The following PCDH7 variants were observed in gnomAD, a reference collection of about 807,000 sequenced individuals.
PCDH7 encodes the protein protocadherin-7.
PCDH7 carries 17 observed loss-of-function variants against 58.9 expected under a neutral mutation model. That is an observed-to-expected ratio of 0.29 (90% confidence interval 0.20 to 0.43). The LOEUF (loss-of-function observed/expected upper bound fraction) is 0.43, where lower values mean the gene tolerates loss of function less well. Ranked by LOEUF, PCDH7 falls within the 20% of genes least tolerant of loss-of-function variation. The pLI, the probability that PCDH7 is intolerant of heterozygous loss-of-function variation, is 1.00. For missense variants in PCDH7, 1,274 were observed against 1,441.0 expected, an observed-to-expected ratio of 0.88 and a Z score of 1.88; for synonymous variants, 664 against 616.4, an observed-to-expected ratio of 1.08 and a Z score of -1.14.
At chr4:31,062,991 T>C (rs1328491866) in intron 3 of PCDH7, among the ~76,000 whole-genome samples, 1 of 151,884 alleles carries the variant, frequency 6.6e-6, no homozygotes, top group African/African-American at 2.4e-5. Context: ...ATATGTGTGT[T>C]TATTACATAT....
intron 3 of PCDH7, among the ~76,000 whole-genome samples, chr4:31,056,458 G>GAAGGAAAGAAAGA (rs1553932369): frequency 0.025 from 2,105 of 83,096 alleles, 96 homozygotes; most frequent in South Asian, 0.046. Context: ...AAGAAAGAAA[G>GAAGGAAAGAAAGA]AAGAAAGAAA....
Position 30,721,334 on chromosome 4 carries a change from T to C in PCDH7, c.-89T>C, listed in dbSNP as rs998092484. On this transcript the variant is annotated 5_prime_UTR_variant, in exon 1 of 2. Transcript: ENST00000361762. The surrounding 1 kb of genome is among the most constrained non-coding windows in gnomAD (Gnocchi z 6.7). ...TCCTTTCCGGGAGAGGGGAGAGGAC[T>C]CGGGGGAGGGCAGGCGGCCGGCCCC... 24 of 1,276,622 alleles carry C rather than the reference T, an allele frequency of 1.9e-5. No homozygotes were observed. The African/African-American group carries it at 3.3e-4, about 18-fold the overall frequency. 79.1% of individuals were successfully genotyped at this position (1,276,622 alleles called of 1,614,324 possible).
chr4:30,920,436 G>C, intron 2 of PCDH7, 67 bp downstream of exon 2: 1 of 1,189,000 alleles, frequency 8.4e-7, no homozygotes, highest in Non-Finnish European at 1.1e-6. Flanking sequence ...GACTCGCGAA[G>C]GTCAGTCTAA....
intron 1 of PCDH7, among the ~76,000 whole-genome samples, chr4:30,909,354 T>G (rs1370124639): frequency 2.0e-5 from 3 of 152,066 alleles, no homozygotes; most frequent in Non-Finnish European, 2.9e-5. Flanking sequence ...GAGAAAGAAA[T>G]AAATGGTATT....
At chr4:30,959,379 A>G (rs1412701524) in intron 3 of PCDH7, among the ~76,000 whole-genome samples, 1 of 152,154 alleles carries the variant, frequency 6.6e-6, no homozygotes, top group Non-Finnish European at 1.5e-5. Flanking sequence ...GGCTCTCATA[A>G]AGTCCAAATA....
intron 3 of PCDH7, among the ~76,000 whole-genome samples, chr4:30,960,603 C>T (rs562211354): frequency 6.6e-6 from 1 of 152,282 alleles, no homozygotes; most frequent in African/African-American, 2.4e-5. Context: ...ACAGTGTAAA[C>T]ATCAGATTAA....
At chr4:30,878,076 A>G (rs1736512412) in intron 1 of PCDH7, among the ~76,000 whole-genome samples, 1 of 152,152 alleles carries the variant, frequency 6.6e-6, no homozygotes, top group Non-Finnish European at 1.5e-5. Context: ...ATGTGGATTC[A>G]GTTGTGTGAC....
At chr4:30,825,708 A>G (rs987194759) in intron 1 of PCDH7, among the ~76,000 whole-genome samples, 3 of 152,192 alleles carry the variant, frequency 2.0e-5, no homozygotes, top group Admixed American at 6.6e-5. Context: ...AGAAGTGACC[A>G]CAGTGGTTTA....
intron 3 of PCDH7, among the ~76,000 whole-genome samples, chr4:31,047,923 A>G (rs908868860): frequency 2.6e-5 from 4 of 152,036 alleles, no homozygotes; most frequent in Non-Finnish European, 1.5e-5. Flanking sequence ...TTAAATTAAC[A>G]TTTTTAAATG....
chr4:30,884,373 C>T (rs962912808), intron 1 of PCDH7: 3 of 152,076 alleles, frequency 2.0e-5, no homozygotes, highest in Admixed American at 6.6e-5. Flanking sequence ...TGCTTTTTCC[C>T]TGAGTTATCC....
chr4:31,056,445 A>G (rs113888719), intron 3 of PCDH7, among the ~76,000 whole-genome samples: 2,046 of 52,216 alleles, frequency 0.039, 83 homozygotes, highest in African/African-American at 0.21. Flanking sequence ...AAAGAAGGAA[A>G]GAAAGAAAGA....
chr4:30,826,916 C>T (rs934120237), intron 1 of PCDH7, among the ~76,000 whole-genome samples: 8 of 151,924 alleles, frequency 5.3e-5, no homozygotes, highest in African/African-American at 7.2e-5. Context: ...TTTGTAGAGA[C>T]GGGGTTTTGC....
intron 3 of PCDH7, among the ~76,000 whole-genome samples, chr4:31,123,481 T>C (rs1717924498): frequency 6.6e-6 from 1 of 152,106 alleles, no homozygotes; most frequent in East Asian, 1.9e-4. Context: ...AGCATGCAGG[T>C]AACCGGGTGC....
At chr4:30,820,606 C>T (rs1225169582) in intron 1 of PCDH7, among the ~76,000 whole-genome samples, 1 of 151,628 alleles carries the variant, frequency 6.6e-6, no homozygotes, top group African/African-American at 2.4e-5. Context: ...GTAAACAACA[C>T]TAGTTTTTTT....
intron 1 of PCDH7, among the ~76,000 whole-genome samples, chr4:30,848,120 G>T (rs1732227824): frequency 6.6e-6 from 1 of 152,114 alleles, no homozygotes; most frequent in Admixed American, 6.6e-5. Flanking sequence ...ATAAGCACAA[G>T]TTTATGCAGT....
At chr4:30,988,074 C>G (rs1368884125) in intron 3 of PCDH7, among the ~76,000 whole-genome samples, 2 of 152,130 alleles carry the variant, frequency 1.3e-5, no homozygotes, top group Non-Finnish European at 2.9e-5. Context: ...AGCACACAGA[C>G]ATGAGTTGCA....
At chr4:30,893,251 C>A (rs552560771) in intron 1 of PCDH7, among the ~76,000 whole-genome samples, 1 of 152,100 alleles carries the variant, frequency 6.6e-6, no homozygotes, top group South Asian at 2.1e-4. Context: ...AAATAAGATA[C>A]TATTTTCAGT....
chr4:30,733,739 G>A (rs920162109), downstream of PCDH7, among the ~76,000 whole-genome samples: 1 of 152,084 alleles, frequency 6.6e-6, no homozygotes, highest in Non-Finnish European at 1.5e-5. Context: ...GGTTTTTCAC[G>A]ACTCTAATGT....
At chr4:30,895,100 C>G (rs752641261) in intron 1 of PCDH7, among the ~76,000 whole-genome samples, 6 of 150,778 alleles carry the variant, frequency 4.0e-5, no homozygotes, top group African/African-American at 4.9e-5. Context: ...TTTATTTAAA[C>G]AGTTCCATTT....
Sources: gnomAD v4.1 joint callset for allele counts (sites outside exome capture counted in the v4.1 genomes callset) on GRCh38, gnomAD v4.1.1 for gene constraint, Gnocchi (gnomAD v3.1) non-coding constraint, MANE v1.5 for transcripts, NCBI Gene and HGNC (gene_info 2026-07-23, HGNC 2026-07-21) for gene names.